Variants in TMEM74B observed in about 807,000 individuals in gnomAD.
TMEM74B encodes transmembrane protein 74B.
In TMEM74B, 7 loss-of-function variants were observed where a neutral mutation model predicts 6.5. The observed-to-expected ratio is 1.07, with a 90% CI of 0.61 to 2.01. The LOEUF (loss-of-function observed/expected upper bound fraction) is 2.01, where lower values mean the gene tolerates loss of function less well. Ranked by LOEUF, TMEM74B falls within the 30% of genes most tolerant of loss-of-function variation. The pLI is 0.00. For missense variants in TMEM74B, 342 were observed against 337.0 expected (o/e 1.01, Z -0.12); for synonymous variants, 151 against 151.6 (o/e 1.00, Z 0.03).
chr20:1,180,647 A>G lies in TMEM74B; in HGVS notation c.*201T>C, dbSNP rs2122651745. Reference sequence around the variant, plus strand: ...AACCGTATGCAAAACCTCAGCTACAAAACAGATCAGTGGGCTGCTTGCCCG... The same window carrying G: ...AACCGTATGCAAAACCTCAGCTACAGAACAGATCAGTGGGCTGCTTGCCCG... On this transcript the variant is annotated 3_prime_UTR_variant, in exon 3 of 3. Transcript: ENST00000429036. This position sits in a 1 kb window ranked among gnomAD's most constrained non-coding sequence, Gnocchi z 6.1. 1 of 587,606 alleles carries G rather than the reference A, an allele frequency of 1.7e-6. No individual in the cohort carries two copies. The highest frequency in any genetic ancestry group is 2.6e-6 in the Non-Finnish European group (1 of 384,182). The allele number at this position is 587,606 out of a possible 1,614,324, so 36.4% of individuals were successfully genotyped here. A position where few individuals can be genotyped will look rare whatever the true frequency, so the allele number is the denominator to read the frequency against.
intron 2 of TMEM74B, among the ~76,000 whole-genome samples, chr20:1,182,258 G>A (rs1055967252): frequency 4.6e-5 from 7 of 152,106 alleles, no homozygotes; most frequent in African/African-American, 1.4e-4. Context: ...GGGAGTTGGT[G>A]GCATTTGAGC....
chr20:1,183,253 G>A (rs1325754226), intron 2 of TMEM74B, among the ~76,000 whole-genome samples: 2 of 151,886 alleles, frequency 1.3e-5, no homozygotes. Flanking sequence ...GCATTCTCAT[G>A]CCGGAGTTTA....
chr20:1,182,535 A>T (rs6040359), intron 2 of TMEM74B, among the ~76,000 whole-genome samples: 1 of 151,360 alleles, frequency 6.6e-6, no homozygotes, highest in South Asian at 2.1e-4. Context: ...TGGGGATGGC[A>T]TGGCTAAAAG....
rs974101457 is a variant in TMEM74B at position 1,184,895 on chromosome 20, C to T, written c.-741G>A. Among the ~76,000 whole-genome samples, 9 of 152,186 alleles carry T rather than the reference C, an allele frequency of 5.9e-5. No homozygotes were observed. The South Asian group carries it at 1.4e-3, about 24-fold the overall frequency. ...AAGTTGCGCGCAGAAAGCCCCAGCA[C>T]GCCGGCTGCCCACCGCGCCCGCTCC... On this transcript the variant is annotated 5_prime_UTR_variant, in exon 1 of 3. It adds an upstream start codon to the 5' untranslated region. Coordinates refer to ENST00000429036, the MANE Select transcript of TMEM74B (RefSeq NM_001304748.2). The surrounding 1 kb of genome is among the most constrained non-coding windows in gnomAD (Gnocchi z 6.0).
At position 1,180,782 on chromosome 20, in the gene TMEM74B, G is replaced by T; in HGVS notation, c.*66C>A. 6.6e-7 allele frequency: 1 copy of T among 1,512,956 alleles called. No homozygotes were observed. The highest frequency in any genetic ancestry group is 1.3e-5 in the South Asian group (1 of 74,862). The allele number at this position is 1,512,956 out of a possible 1,614,324, so 93.7% of individuals were successfully genotyped here. A position where few individuals can be genotyped will look rare whatever the true frequency, so the allele number is the denominator to read the frequency against. ...CCCAGGGCCTTGGCAGGGGTCAGGT[G>T]GGCGGGAGCAGGGGGTGGACCTTGT... On this transcript the variant is annotated 3_prime_UTR_variant, in exon 3 of 3. Transcript: ENST00000429036. The surrounding 1 kb of genome is among the most constrained non-coding windows in gnomAD (Gnocchi z 6.1).
chr20:1,180,905 C>G lies in TMEM74B; in HGVS notation c.714G>C (p.Leu238=), dbSNP rs767248813. 3.1e-6 allele frequency: 5 copies of G among 1,612,472 alleles called. No individual in the cohort carries two copies. The highest frequency in any genetic ancestry group is 2.2e-5 in the South Asian group (2 of 90,982). Residue 238 remains leucine (L), a synonymous_variant, in exon 3 of 3, where the codon CTG becomes CTC. Transcript: ENST00000429036. The surrounding 1 kb of genome is among the most constrained non-coding windows in gnomAD (Gnocchi z 6.1). ...RQLNGDGGQA[L]VENEVVQVSE... ...AGACCTGGACAACTTCATTCTCCAC[C>G]AGGGCCTGGCCCCCATCCCCATTGA...
In TMEM74B at chr20:1,180,859, G is replaced by C. The variant is rs2086841084; in HGVS notation, c.760C>G (p.Gln254Glu). The C allele has an allele frequency of 6.3e-7, 1 of 1,591,594 alleles. No individual in the cohort carries two copies. ...AGGTGGGCTAGTTCTTAAGACCTCT[G>C]GAGGGTGTGGCTAGTCTCTGAGACC... ...VQVSETSHTL[Q>E]RS is the part of the protein sequence containing the mutation. The change falls in exon 3 of 3, where the codon CAG becomes GAG. Residue 254 changes from glutamine (Q) to glutamate (E), a missense_variant. By Grantham distance (29) the Gln-to-Glu change is conservative. Coordinates refer to ENST00000429036, the MANE Select transcript of TMEM74B (RefSeq NM_001304748.2). The surrounding 1 kb of genome is among the most constrained non-coding windows in gnomAD (Gnocchi z 6.1).
upstream of TMEM74B, among the ~76,000 whole-genome samples, chr20:1,185,858 C>T (rs1242300359): frequency 2.0e-5 from 3 of 150,498 alleles, no homozygotes; most frequent in South Asian, 2.1e-4. Flanking sequence ...GGTAGGACCC[C>T]GGGTCCTCTC....
At chr20:1,186,318 C>G (rs1317393771), upstream of TMEM74B, 1 of 152,302 alleles carries the variant, frequency 6.6e-6, no homozygotes, top group African/African-American at 2.4e-5. Context: ...AAAGGGGTGA[C>G]TTTCACTTCT....
At chr20:1,188,343 G>A (rs1418230832), upstream of TMEM74B, among the ~76,000 whole-genome samples, 3 of 151,630 alleles carry the variant, frequency 2.0e-5, no homozygotes, top group East Asian at 5.8e-4. Context: ...GCTGTTTATA[G>A]GACTTGGGCA....
At position 1,180,712 on chromosome 20, in the gene TMEM74B, C is replaced by T; in HGVS notation, c.*136G>A. ...TGGGCCCCGAGCTCTCCCTCCAGCACCCAGTACTTCTTCCACAAGGCCCTA... is the reference window on the plus strand; with the variant it reads ...TGGGCCCCGAGCTCTCCCTCCAGCATCCAGTACTTCTTCCACAAGGCCCTA... On this transcript the variant is annotated 3_prime_UTR_variant, in exon 3 of 3. Coordinates refer to ENST00000429036, the MANE Select transcript of TMEM74B (RefSeq NM_001304748.2). This position sits in a 1 kb window ranked among gnomAD's most constrained non-coding sequence, Gnocchi z 6.1. The T allele has an allele frequency of 1.5e-6, 2 of 1,290,804 alleles. No individual in the cohort carries two copies. Among genetic ancestry groups the T allele is most frequent in the Admixed American group, 2.8e-5 (1 of 36,240 alleles). 80.0% of individuals were successfully genotyped at this position (1,290,804 alleles called of 1,614,324 possible). A position where few individuals can be genotyped will look rare whatever the true frequency, so the allele number is the denominator to read the frequency against.
rs1555769547 is a variant in TMEM74B, at chr20:1,183,290, C to CTCTGTGTG, written c.31+480_31+481insCACACAGA. ...TCTCCAGTGCACTGTGGTTCGTTCT[C>CTCTGTGTG]TGTGTGTGTGTGTGTGTGTGTGTGT... On this transcript the variant is annotated intron_variant, in intron 2 of 2. Transcript: ENST00000429036. Among the ~76,000 whole-genome samples, 70 of 149,310 alleles carry CTCTGTGTG rather than the reference C, an allele frequency of 4.7e-4. 1 individual carries two copies. The highest frequency in any genetic ancestry group is 5.9e-4 in the African/African-American group (24 of 40,338).
chr20:1,187,874 G>A (rs1264921067), upstream of TMEM74B, among the ~76,000 whole-genome samples: 1 of 152,192 alleles, frequency 6.6e-6, no homozygotes, highest in Admixed American at 6.5e-5. Context: ...TATCCTCAGA[G>A]CAGTGGAGAG....
rs752897893 is a variant in TMEM74B at position 1,181,198 on chromosome 20, A to G, written c.421T>C (p.Tyr141His). Reference sequence around the variant, plus strand: ...ACTCGAGCCTCACGGGGGATGGCGTATGCTGTCACCACCAGAAGAATCCCA... The same window carrying G: ...ACTCGAGCCTCACGGGGGATGGCGTGTGCTGTCACCACCAGAAGAATCCCA... ...VSGILLVVTA[Y>H]AIPREARVNP... is the part of the protein sequence containing the mutation. The change falls in exon 3 of 3, where the codon TAC (tyrosine) becomes CAC (histidine). Residue 141 changes from tyrosine to histidine, a missense_variant. Tyr to His is a moderately conservative substitution (Grantham distance 83). Transcript: ENST00000429036. The surrounding 1 kb of genome is among the most constrained non-coding windows in gnomAD (Gnocchi z 4.9). The G allele has an allele frequency of 2.5e-6, 4 of 1,614,068 alleles. No individual in the cohort carries two copies. The highest frequency in any genetic ancestry group is 2.2e-5 in the East Asian group (1 of 44,888).
At chr20:1,185,313 C>G (rs866539825), upstream of TMEM74B, 2 of 151,846 alleles carry the variant, frequency 1.3e-5, no homozygotes, top group Non-Finnish European at 2.9e-5. Flanking sequence ...GGCGCGGGCC[C>G]GGCCGCCACC....
intron 2 of TMEM74B, among the ~76,000 whole-genome samples, chr20:1,183,284 C>T (rs1012630647): frequency 6.1e-5 from 8 of 131,106 alleles, no homozygotes; most frequent in African/African-American, 1.7e-4. Context: ...CACTGTGGTT[C>T]GTTCTCTGTG....
chr20:1,182,782 G>A (rs2086906979), intron 2 of TMEM74B, among the ~76,000 whole-genome samples: 2 of 152,180 alleles, frequency 1.3e-5, no homozygotes, highest in Non-Finnish European at 2.9e-5. Context: ...CTGACTTACA[G>A]CCCGGGGACC....
Position 1,181,203 on chromosome 20 carries a change from G to C in TMEM74B, c.416C>G (p.Thr139Arg), listed in dbSNP as rs2086855558. 1 of 1,614,064 alleles carries C rather than the reference G, an allele frequency of 6.2e-7. No homozygotes were observed. The highest frequency in any genetic ancestry group is 1.3e-5 in the African/African-American group (1 of 74,918). ...AGCCTCACGGGGGATGGCGTATGCT[G>C]TCACCACCAGAAGAATCCCACTCAC... The part of the protein sequence containing the change: ...FLVSGILLVV[T>R]AYAIPREARV... Residue 139 changes from threonine to arginine, a missense_variant, in exon 3 of 3, where the codon ACA becomes AGA. Physicochemically the swap from Thr to Arg is moderately conservative, Grantham distance 71. Coordinates refer to ENST00000429036, the MANE Select transcript of TMEM74B (RefSeq NM_001304748.2). The surrounding 1 kb of genome is among the most constrained non-coding windows in gnomAD (Gnocchi z 4.9).
chr20:1,187,851 G>A (rs548208677), upstream of TMEM74B, among the ~76,000 whole-genome samples: 7 of 152,212 alleles, frequency 4.6e-5, no homozygotes, highest in African/African-American at 1.7e-4. Flanking sequence ...TACAGGCCAA[G>A]TAATTTGTTC....
Sources: allele counts gnomAD v4.1 joint callset (sites outside exome capture counted in the v4.1 genomes callset), GRCh38; gene constraint gnomAD v4.1.1; non-coding constraint Gnocchi (gnomAD v3.1); transcripts MANE v1.5; gene names NCBI Gene and HGNC (gene_info 2026-07-23, HGNC 2026-07-21).